The following SLC14A2 variants were observed in gnomAD, a reference collection of about 807,000 sequenced individuals.
SLC14A2 encodes solute carrier family 14 member 2.
Under a neutral mutation model 104.6 loss-of-function variants are expected in SLC14A2, and 91 were observed. That is an observed-to-expected ratio of 0.87 (90% CI 0.73 to 1.04). The LOEUF (loss-of-function observed/expected upper bound fraction) is 1.04, where lower values mean the gene tolerates loss of function less well. Ranked by LOEUF, SLC14A2 falls within the 50% of genes least tolerant of loss-of-function variation. The probability of loss-of-function intolerance (pLI) is 0.00; values close to 1 mark genes in which losing one functional copy is unlikely to be tolerated. For missense variants in SLC14A2, 1,189 were observed against 1,156.0 expected, an observed-to-expected ratio of 1.03 and a Z score of -0.41; for synonymous variants, 476 against 466.4, an observed-to-expected ratio of 1.02 and a Z score of -0.27.
At chr18:45,560,926 ATTCTC>A (rs1568276845) in intron 2 of SLC14A2, among the ~76,000 whole-genome samples, 1 of 152,178 alleles carries the variant, frequency 6.6e-6, no homozygotes, top group African/African-American at 2.4e-5. Flanking sequence ...AAACACTGCT[ATTCTC>A]TTCTCTTCTG....
intron 2 of SLC14A2, among the ~76,000 whole-genome samples, chr18:45,487,339 G>A (rs544702994): frequency 2.5e-4 from 38 of 152,310 alleles, no homozygotes; most frequent in African/African-American, 9.1e-4. Flanking sequence ...CATATGATTA[G>A]GCTGGATCCA....
the SLC14A2 span, among the ~76,000 whole-genome samples, chr18:45,188,329 C>T: frequency 3.3e-5 from 5 of 152,168 alleles, no homozygotes; most frequent in East Asian, 5.8e-4. Context: ...TTGGACACCT[C>T]CTCAGTGATG....
intron 1 of SLC14A2, among the ~76,000 whole-genome samples, chr18:45,314,482 T>C (rs933770222): frequency 6.6e-6 from 1 of 152,190 alleles, no homozygotes; most frequent in Non-Finnish European, 1.5e-5. Context: ...GTGGACAGTT[T>C]CTATACTGCA....
At chr18:45,484,399 A>T (rs2087557149) in intron 2 of SLC14A2, among the ~76,000 whole-genome samples, 1 of 152,200 alleles carries the variant, frequency 6.6e-6, no homozygotes, top group African/African-American at 2.4e-5. Flanking sequence ...GGTAGCACAC[A>T]CTGTGAGTGC....
chr18:45,228,560 T>A (rs534625208), intron 1 of SLC14A2, among the ~76,000 whole-genome samples: 1 of 152,148 alleles, frequency 6.6e-6, no homozygotes, highest in Admixed American at 6.5e-5. Flanking sequence ...GTCCTCAGTA[T>A]CCCTCTTTAT....
chr18:45,659,246 A>G (rs114361343), intron 10 of SLC14A2, among the ~76,000 whole-genome samples: 110 of 152,312 alleles, frequency 7.2e-4, no homozygotes, highest in African/African-American at 2.6e-3. Flanking sequence ...GGCCATAAAC[A>G]TCATCTGTTT....
At chr18:45,512,965 G>A (rs1039306598) in intron 2 of SLC14A2, among the ~76,000 whole-genome samples, 3 of 152,202 alleles carry the variant, frequency 2.0e-5, no homozygotes, top group African/African-American at 4.8e-5. Context: ...GATCAAGCAA[G>A]TGATTCTTTG....
At chr18:45,372,155 T>C (rs1469081994) in intron 1 of SLC14A2, among the ~76,000 whole-genome samples, 2 of 151,832 alleles carry the variant, frequency 1.3e-5, no homozygotes, top group African/African-American at 4.8e-5. Context: ...CTACTAAAAA[T>C]ACAAAAATTA....
chr18:45,355,030 C>G lies in SLC14A2; in HGVS notation c.-124-128203C>G, dbSNP rs965732352. On this transcript the variant is annotated intron_variant, in intron 1 of 20. Transcript: ENST00000586448. ...TTATGGAAGAAACAATTGAGTCTGA[C>G]CTGCCTTTGAGATGAGGAAACAGGG... is the stretch of plus-strand genomic sequence containing the variant. Among the ~76,000 whole-genome samples, 3 of 152,156 alleles carry G rather than the reference C, an allele frequency of 2.0e-5. No homozygotes were observed. In the South Asian group the frequency reaches 6.2e-4, roughly 32 times the overall value.
chr18:45,521,176 T>C (rs1300231696), intron 2 of SLC14A2, among the ~76,000 whole-genome samples: 1 of 152,236 alleles, frequency 6.6e-6, no homozygotes, highest in Admixed American at 6.5e-5. Flanking sequence ...GGCTTTAACC[T>C]GATAGGGACT....
At chr18:45,449,295 G>C (rs1271829287) in intron 1 of SLC14A2, among the ~76,000 whole-genome samples, 1 of 152,114 alleles carries the variant, frequency 6.6e-6, no homozygotes, top group East Asian at 1.9e-4. Flanking sequence ...TGGAGGGTGA[G>C]GGGCAATTCT....
intron 1 of SLC14A2, among the ~76,000 whole-genome samples, chr18:45,305,882 A>C (rs2085015458): frequency 6.6e-6 from 1 of 152,178 alleles, no homozygotes; most frequent in East Asian, 1.9e-4. Flanking sequence ...AATTTTATTA[A>C]GTTTCTGAGG....
intron 1 of SLC14A2, chr18:45,483,104 T>G (rs1043022314): frequency 2.0e-5 from 3 of 152,198 alleles, no homozygotes; most frequent in Non-Finnish European, 4.4e-5. Context: ...TTTCCTTATT[T>G]TTTTCTTTTT....
chr18:45,577,370 TCTG>T (rs2144351519), intron 2 of SLC14A2, among the ~76,000 whole-genome samples: 1 of 152,286 alleles, frequency 6.6e-6, no homozygotes, highest in South Asian at 2.1e-4. Flanking sequence ...CAGTATCACT[TCTG>T]CTACTTTCTA....
At chr18:45,245,332 G>C (rs2084358367) in intron 1 of SLC14A2, among the ~76,000 whole-genome samples, 1 of 152,190 alleles carries the variant, frequency 6.6e-6, no homozygotes, top group East Asian at 1.9e-4. Context: ...CTTCATGGCA[G>C]CTGGAGTCTG....
At chr18:45,240,703 G>A (rs965792069) in intron 1 of SLC14A2, among the ~76,000 whole-genome samples, 1 of 151,382 alleles carries the variant, frequency 6.6e-6, no homozygotes, top group Admixed American at 6.6e-5. Flanking sequence ...TGTTGCCCAG[G>A]CTGGAGTGCA....
chr18:45,406,569 A>G (rs892227381), intron 1 of SLC14A2, among the ~76,000 whole-genome samples: 2 of 151,846 alleles, frequency 1.3e-5, no homozygotes, highest in African/African-American at 4.8e-5. Context: ...GTTTTTTTTT[A>G]CTTTGCCCAG....
intron 1 of SLC14A2, among the ~76,000 whole-genome samples, chr18:45,316,772 C>T (rs1234986837): frequency 3.3e-5 from 5 of 152,162 alleles, no homozygotes; most frequent in African/African-American, 7.2e-5. Context: ...CTACCCTTCC[C>T]TTCACCTCCA....
At chr18:45,177,375 A>G in the SLC14A2 span, among the ~76,000 whole-genome samples, 1 of 152,148 alleles carries the variant, frequency 6.6e-6, no homozygotes, top group Admixed American at 6.6e-5. Flanking sequence ...GCGGCATTTC[A>G]TTGGTTTTAG....
Sources: gnomAD v4.1 joint callset for allele counts (sites outside exome capture counted in the v4.1 genomes callset) on GRCh38, gnomAD v4.1.1 for gene constraint, MANE v1.5 for transcripts, NCBI Gene and HGNC (gene_info 2026-07-23, HGNC 2026-07-21) for gene names.